Variants in LRRC7 observed in about 807,000 individuals in gnomAD.
The protein encoded by LRRC7 is leucine-rich repeat-containing protein 7.
In LRRC7, 23 loss-of-function variants were observed where a neutral mutation model predicts 175.7. That is an observed-to-expected ratio of 0.13 (90% CI 0.09 to 0.19). The LOEUF (loss-of-function observed/expected upper bound fraction) is 0.19. Ranked by LOEUF, LRRC7 falls within the 10% of genes least tolerant of loss-of-function variation. The pLI is 1.00. For synonymous variants in LRRC7, 685 were observed against 680.9 expected (o/e 1.01, Z -0.09); for missense variants, 1,354 against 1,904.7 (o/e 0.71, Z 5.38).
At position 69,678,618 on chromosome 1, in the gene LRRC7, C is replaced by A. The variant is rs1167345127; in HGVS notation, c.100+140C>A. 7 of 608,460 alleles carry A rather than the reference C, an allele frequency of 1.2e-5. No individual in the cohort carries two copies. The East Asian group carries it at 1.7e-4, about 15-fold the overall frequency. 37.7% of individuals were successfully genotyped at this position (608,460 alleles called of 1,614,324 possible). A position where few individuals can be genotyped will look rare whatever the true frequency, so the allele number is the denominator to read the frequency against. ...CGAGTTGGTCTTTTAAAATAAGTTA[C>A]CATATGTTACCTGAATGTAAGTGCT... On this transcript the variant is annotated intron_variant, in intron 2 of 26. Transcript: ENST00000651989.
At chr1:69,780,663 C>T (rs1266819663) in intron 3 of LRRC7, among the ~76,000 whole-genome samples, 1 of 152,164 alleles carries the variant, frequency 6.6e-6, no homozygotes, top group Non-Finnish European at 1.5e-5. Context: ...ATTATTAACA[C>T]TTGTTTTAAA....
intron 18 of LRRC7, among the ~76,000 whole-genome samples, chr1:70,034,924 A>G (rs1357566412): frequency 1.3e-5 from 2 of 152,216 alleles, no homozygotes; most frequent in African/African-American, 4.8e-5. Context: ...TGCAATAACC[A>G]AAGACCTGAG....
At chr1:69,751,999 A>G (rs886193790) in intron 2 of LRRC7, among the ~76,000 whole-genome samples, 3 of 152,134 alleles carry the variant, frequency 2.0e-5, no homozygotes, top group South Asian at 2.1e-4. Context: ...AACCATGTAC[A>G]AGGATTACAG....
At chr1:69,659,931 A>C (rs1657207945) in intron 1 of LRRC7, among the ~76,000 whole-genome samples, 3 of 149,304 alleles carry the variant, frequency 2.0e-5, no homozygotes, top group African/African-American at 7.3e-5. Flanking sequence ...AATCTGTATA[A>C]ATAGCACAAA....
chr1:69,679,364 GT>G (rs1420562440), intron 2 of LRRC7, among the ~76,000 whole-genome samples: 1 of 152,062 alleles, frequency 6.6e-6, no homozygotes, highest in Non-Finnish European at 1.5e-5. Flanking sequence ...TTATATTGGC[GT>G]TTTTAAATTA....
At chr1:69,986,152 A>G in intron 9 of LRRC7, 90 bp from the exon 10 acceptor site, 1 of 1,189,084 alleles carries the variant, frequency 8.4e-7, no homozygotes, top group Non-Finnish European at 1.2e-6. Flanking sequence ...TTGCTTTTAA[A>G]ATAAACTTTA....
At chr1:69,852,725 A>G (rs1158168699) in intron 7 of LRRC7, among the ~76,000 whole-genome samples, 1 of 152,232 alleles carries the variant, frequency 6.6e-6, no homozygotes, top group Non-Finnish European at 1.5e-5. Context: ...TTTAATTGAA[A>G]AAATAAATAT....
chr1:70,049,166 T>C (rs903728841), intron 22 of LRRC7, among the ~76,000 whole-genome samples: 2 of 152,130 alleles, frequency 1.3e-5, no homozygotes, highest in African/African-American at 4.8e-5. Context: ...TATCTTATCA[T>C]AGAATTTTGC....
chr1:69,923,528 T>C (rs2101743724), intron 7 of LRRC7, among the ~76,000 whole-genome samples: 1 of 152,348 alleles, frequency 6.6e-6, no homozygotes, highest in Admixed American at 6.5e-5. Flanking sequence ...TGTGAGATGG[T>C]ATCTCATTGT....
At chr1:70,046,965 G>A (rs1399997786) in intron 22 of LRRC7, among the ~76,000 whole-genome samples, 1 of 152,078 alleles carries the variant, frequency 6.6e-6, no homozygotes, top group Non-Finnish European at 1.5e-5. Flanking sequence ...CCCCAGGAGA[G>A]GAGATAGGCA....
At chr1:70,031,788 TTC>T (rs1241755128) in intron 18 of LRRC7, among the ~76,000 whole-genome samples, 3 of 146,630 alleles carry the variant, frequency 2.0e-5, no homozygotes, top group Non-Finnish European at 4.5e-5. Context: ...CACAAGGATT[TTC>T]TTTTTTTTTT....
intron 7 of LRRC7, among the ~76,000 whole-genome samples, chr1:69,902,698 A>C (rs1646170941): frequency 6.6e-6 from 1 of 152,258 alleles, no homozygotes; most frequent in Non-Finnish European, 1.5e-5. Flanking sequence ...GTGAAGAATC[A>C]GACTTTTCTT....
chr1:70,079,413 A>AAACCT (rs10627009), intron 24 of LRRC7, among the ~76,000 whole-genome samples: 23,295 of 152,082 alleles, frequency 0.15, 2,823 homozygotes, highest in African/African-American at 0.33. Flanking sequence ...AATATGGAAA[A>AAACCT]AAATTATTCA....
chr1:69,582,915 C>G (rs1296642245), intron 1 of LRRC7, among the ~76,000 whole-genome samples: 2 of 152,110 alleles, frequency 1.3e-5, no homozygotes, highest in East Asian at 3.9e-4. Flanking sequence ...ACAAATTTCT[C>G]AAGTAAATTA....
At chr1:70,059,497 GT>G (rs1661411374) in intron 23 of LRRC7, among the ~76,000 whole-genome samples, 2 of 151,546 alleles carry the variant, frequency 1.3e-5, no homozygotes, top group African/African-American at 4.8e-5. Context: ...GTGTGTGTGT[GT>G]GTGTGTGTGT....
intron 1 of LRRC7, among the ~76,000 whole-genome samples, chr1:69,662,647 A>G (rs1216106176): frequency 1.3e-5 from 2 of 152,220 alleles, no homozygotes; most frequent in Non-Finnish European, 2.9e-5. Context: ...TAATCTTGCC[A>G]TTAAACTTTA....
chr1:70,118,063 GCACA>G (rs71583108), intron 26 of LRRC7, among the ~76,000 whole-genome samples: 380 of 146,476 alleles, frequency 2.6e-3, no homozygotes, highest in South Asian at 6.7e-3. Context: ...CTTCTTCTAT[GCACA>G]CACACACACA....
chr1:70,077,968 G>T (rs546612915), intron 24 of LRRC7, among the ~76,000 whole-genome samples: 1 of 152,232 alleles, frequency 6.6e-6, no homozygotes, highest in African/African-American at 2.4e-5. Context: ...TGTTAAGGAA[G>T]GGACTTAAAT....
chr1:69,716,634 A>G (rs1163646368), intron 2 of LRRC7, among the ~76,000 whole-genome samples: 1 of 151,868 alleles, frequency 6.6e-6, no homozygotes, highest in Non-Finnish European at 1.5e-5. Flanking sequence ...CTAAGAAATA[A>G]AGTGAAATTA....
Sources: allele counts gnomAD v4.1 joint callset (sites outside exome capture counted in the v4.1 genomes callset), GRCh38; gene constraint gnomAD v4.1.1; transcripts MANE v1.5; gene names NCBI Gene and HGNC (gene_info 2026-07-23, HGNC 2026-07-21).